PRR5: variants seen among roughly 807,000 people sequenced by gnomAD.
PRR5 encodes proline-rich protein 5.
A neutral mutation model predicts 30.6 loss-of-function variants in PRR5; 25 were observed. That is an observed-to-expected ratio of 0.82 (90% CI 0.60 to 1.14). The LOEUF (loss-of-function observed/expected upper bound fraction) is 1.14, where lower values mean the gene tolerates loss of function less well. Ranked by LOEUF, PRR5 falls within the 50% of genes most tolerant of loss-of-function variation. The pLI, the probability that PRR5 is intolerant of heterozygous loss-of-function variation, is 0.00. For missense variants in PRR5, 600 were observed against 547.1 expected, an observed-to-expected ratio of 1.10 and a Z score of -0.96; for synonymous variants, 286 against 247.1, an observed-to-expected ratio of 1.16 and a Z score of -1.48.
intron 7 of PRR5, among the ~76,000 whole-genome samples, chr22:44,736,450 T>G (rs1330910370): frequency 6.6e-6 from 1 of 152,036 alleles, no homozygotes; most frequent in Non-Finnish European, 1.5e-5. Context: ...TCCATACACT[T>G]CCACAAGTGG....
intron 7 of PRR5, among the ~76,000 whole-genome samples, chr22:44,735,711 C>T (rs1384801686): frequency 6.6e-6 from 1 of 152,172 alleles, no homozygotes; most frequent in Non-Finnish European, 1.5e-5. Flanking sequence ...GCGGGGGAGG[C>T]CGACCAGTGA....
chr22:44,668,756 C>T, exon 1 of PRR5: 1 of 148,364 alleles, frequency 6.7e-6, no homozygotes, highest in Non-Finnish European at 1.5e-5. Context: ...GCTCCGGCTC[C>T]GGCTCTGGCT....
At chr22:44,672,354 G>T (rs1199380900), upstream of PRR5, among the ~76,000 whole-genome samples, 4 of 152,312 alleles carry the variant, frequency 2.6e-5, no homozygotes, top group Non-Finnish European at 2.9e-5. Flanking sequence ...GGAGGTTGAG[G>T]CAGGTGGATC....
intron 1 of PRR5, among the ~76,000 whole-genome samples, chr22:44,692,425 CG>C (rs1263223680): frequency 2.4e-4 from 34 of 142,390 alleles, no homozygotes; most frequent in Non-Finnish European, 4.0e-4. Flanking sequence ...CTCCTCCTCC[CG>C]GGGGCTCCTC....
At chr22:44,692,774 G>A (rs73891735) in intron 1 of PRR5, among the ~76,000 whole-genome samples, 8,631 of 152,304 alleles carry the variant, frequency 0.057, 491 homozygotes, top group African/African-American at 0.15. Context: ...GCCCTGAGGA[G>A]CCTCAGTCTG....
Position 44,732,311 on chromosome 22 carries a change from A to C in PRR5, c.475A>C (p.Ser159Arg). Residue 159 changes from serine (S) to arginine (R), a missense_variant, in exon 6 of 8, where the codon AGT becomes CGT. Transcript: ENST00000336985. ...LLHFRNAITL[S>R]VKLEDALARA... ...GCACTTCCGGAATGCCATCACCCTC[A>C]GTGTGAAGCTAGAGGATGCGCTGGC... 6.2e-7 allele frequency: 1 copy of C among 1,612,410 alleles called. No individual in the cohort carries two copies. The highest frequency in any genetic ancestry group is 8.5e-7 in the Non-Finnish European group (1 of 1,179,976).
rs543023005 is a variant in PRR5 at position 44,691,448 on chromosome 22, G to C, written c.-10-11044G>C. ...CCCTGCCCTAGACTCAGTGCCCCTG[G>C]CACGCCTGGAGCTGACTCCTCCTGC... On this transcript the variant is annotated intron_variant, in intron 1 of 8. Transcript: ENST00000006251. This position sits in a 1 kb window ranked among gnomAD's most constrained non-coding sequence, Gnocchi z 4.4. 6.6e-6 allele frequency among the ~76,000 whole-genome samples: 1 copy of C among 152,242 alleles called. No homozygotes were observed. Among genetic ancestry groups the C allele is most frequent in the East Asian group, 1.9e-4 (1 of 5,152 alleles).
At chr22:44,703,382 C>A (rs930329310) in intron 1 of PRR5, among the ~76,000 whole-genome samples, 1 of 151,408 alleles carries the variant, frequency 6.6e-6, no homozygotes, top group Non-Finnish European at 1.5e-5. Flanking sequence ...TTGCCCCTCT[C>A]GCGCCCACAC....
chr22:44,703,269 T>A lies in PRR5; in HGVS notation c.134+661T>A, dbSNP rs926497981. ...GGAACTCCCCAGCGTCTCTGCTCCCTAGGAAAATGAGAGGCAGGAGAAAGT... is the reference window on the plus strand; with the variant it reads ...GGAACTCCCCAGCGTCTCTGCTCCCAAGGAAAATGAGAGGCAGGAGAAAGT... On this transcript the variant is annotated intron_variant, in intron 1 of 7. Coordinates refer to ENST00000336985, the MANE Select transcript of PRR5 (RefSeq NM_181333.4). Among the ~76,000 whole-genome samples the A allele has an allele frequency of 2.3e-4, 35 of 151,008 alleles. 1 individual carries two copies. Among genetic ancestry groups the A allele is most frequent in the Admixed American group, 2.1e-3 (32 of 15,156 alleles).
chr22:44,720,042 C>T (rs1300750301), intron 2 of PRR5, among the ~76,000 whole-genome samples: 1 of 152,196 alleles, frequency 6.6e-6, no homozygotes, highest in Non-Finnish European at 1.5e-5. Flanking sequence ...GGCTCCCCTC[C>T]TGTGATTTGA....
chr22:44,698,979 C>T (rs1020199835), upstream of PRR5, among the ~76,000 whole-genome samples: 6 of 152,212 alleles, frequency 3.9e-5, no homozygotes, highest in Non-Finnish European at 8.8e-5. Context: ...ACCCAGAGCA[C>T]TAGCACCTTT....
intron 7 of PRR5, among the ~76,000 whole-genome samples, chr22:44,735,587 G>A (rs1014596093): frequency 6.6e-6 from 1 of 152,184 alleles, no homozygotes; most frequent in African/African-American, 2.4e-5. Context: ...ACTGCTTGGC[G>A]CGTCCAGCAC....
intron 1 of PRR5, among the ~76,000 whole-genome samples, chr22:44,710,257 G>A (rs1927963712): frequency 1.3e-5 from 2 of 150,524 alleles, no homozygotes; most frequent in African/African-American, 2.4e-5. Flanking sequence ...GCCTCCCTAA[G>A]GATCCTCCCC....
chr22:44,682,371 C>T lies in PRR5; in HGVS notation c.-11+5131C>T, dbSNP rs575361457. 3.3e-5 allele frequency among the ~76,000 whole-genome samples: 5 copies of T among 152,282 alleles called. No individual in the cohort carries two copies. The South Asian group carries it at 1.0e-3, about 32-fold the overall frequency. On this transcript the variant is annotated intron_variant, in intron 1 of 8. Coordinates refer to the PRR5 transcript ENST00000006251. Reference sequence around the variant, plus strand: ...GAGGAGGAAGGGGATGGGGAGGAGGCCCATCCAGGCCCCAGCCAGAGCTCT... The same window carrying T: ...GAGGAGGAAGGGGATGGGGAGGAGGTCCATCCAGGCCCCAGCCAGAGCTCT...
upstream of PRR5, chr22:44,702,127 A>AT: frequency 5.1e-6 from 1 of 194,204 alleles, no homozygotes; most frequent in Non-Finnish European, 9.7e-6. Context: ...CCCGCCCGCG[A>AT]TGCCCCCGCC....
upstream of PRR5, among the ~76,000 whole-genome samples, chr22:44,700,005 TAC>T (rs1245215365): frequency 1.3e-5 from 2 of 152,046 alleles, no homozygotes; most frequent in African/African-American, 2.4e-5. Context: ...ATCTAAAAGA[TAC>T]AGTGTTCCCG....
At chr22:44,712,713 C>T (rs550095131) in intron 1 of PRR5, among the ~76,000 whole-genome samples, 1 of 152,286 alleles carries the variant, frequency 6.6e-6, no homozygotes, top group African/African-American at 2.4e-5. Context: ...TGGGCAGCAT[C>T]GTGTGGACAG....
At chr22:44,717,732 T>C (rs1030948619) in intron 2 of PRR5, among the ~76,000 whole-genome samples, 1 of 151,742 alleles carries the variant, frequency 6.6e-6, no homozygotes, top group Non-Finnish European at 1.5e-5. Flanking sequence ...TTTTTTTTTT[T>C]TGAGACGGAG....
chr22:44,732,006 C>T (rs1922080896), intron 5 of PRR5, among the ~76,000 whole-genome samples, 185 bp downstream of exon 5: 1 of 152,216 alleles, frequency 6.6e-6, no homozygotes, highest in South Asian at 2.1e-4. Context: ...GATATGGACG[C>T]CTCCCTCCCT....
Sources: gnomAD v4.1 joint callset for allele counts (sites outside exome capture counted in the v4.1 genomes callset) on GRCh38, gnomAD v4.1.1 for gene constraint, Gnocchi (gnomAD v3.1) non-coding constraint, MANE v1.5 for transcripts, NCBI Gene and HGNC (gene_info 2026-07-23, HGNC 2026-07-21) for gene names.